Variants in SALL4 observed in about 807,000 individuals in gnomAD.
SALL4 encodes spalt like transcription factor 4.
Under a neutral mutation model 60.8 loss-of-function variants are expected in SALL4, and 4 were observed. That is an observed-to-expected ratio of 0.07 (90% CI 0.03 to 0.15). SALL4 has a LOEUF of 0.15. Ranked by LOEUF, SALL4 falls within the 10% of genes least tolerant of loss-of-function variation. The probability of loss-of-function intolerance (pLI) is 1.00; values close to 1 mark genes in which losing one functional copy is unlikely to be tolerated. For synonymous variants in SALL4, 580 were observed against 574.9 expected, an observed-to-expected ratio of 1.01 and a Z score of -0.13; for missense variants, 1,178 against 1,394.7, an observed-to-expected ratio of 0.84 and a Z score of 2.48.
rs754828158 is a variant in SALL4, at chr20:51,802,288, C to CCGCCGCGGG, written c.112_120dup (p.Pro38_Ala40dup). Reference sequence around the variant, plus strand: ...CCCCAGCCCCACTCACCCAGCTCCCCCGCCGCGGGCGCCGCTGGGGCCGCA... The same window carrying CCGCCGCGGG: ...CCCCAGCCCCACTCACCCAGCTCCCCCGCCGCGGGCGCCGCGGGCGCCGCTGGGGCCGCA... On this transcript the variant is annotated inframe_insertion, in exon 1 of 4. Coordinates refer to ENST00000217086, the MANE Select transcript of SALL4 (RefSeq NM_020436.5). 2.5e-6 allele frequency: 4 copies of CCGCCGCGGG among 1,604,566 alleles called. No individual in the cohort carries two copies. The highest frequency in any genetic ancestry group is 1.3e-5 in the African/African-American group (1 of 74,726).
At chr20:51,792,390 G>A (rs200163967) in intron 1 of SALL4, 38 bp from the exon 2 acceptor site, 1 of 1,598,590 alleles carries the variant, frequency 6.3e-7, no homozygotes, top group East Asian at 2.2e-5. Context: ...CTCTGCCCAA[G>A]TAAAAGATGT....
At position 51,791,502 on chromosome 20, in the gene SALL4, C is replaced by T; in HGVS notation, c.981G>A (p.Met327Ile). 2 of 1,614,088 alleles carry T rather than the reference C, an allele frequency of 1.2e-6. No homozygotes were observed. The highest frequency in any genetic ancestry group is 1.7e-5 in the Admixed American group (1 of 60,030). The change falls in exon 2 of 4, where the codon ATG becomes ATA. Residue 327 changes from methionine to isoleucine, a missense_variant. Met to Ile is a conservative substitution (Grantham distance 10). Coordinates refer to ENST00000217086, the MANE Select transcript of SALL4 (RefSeq NM_020436.5). The surrounding 1 kb of genome is among the most constrained non-coding windows in gnomAD (Gnocchi z 4.6). ...GAAGCAAAGCGCTCGGGAGGCGGGA[C>T]ATGACGTTCGGGAGCACCCGGGTCC... ...PDGTRVLPNV[M>I]SRLPSALLPQ...
At chr20:51,794,522 G>C (rs1167593854) in intron 1 of SALL4, among the ~76,000 whole-genome samples, 1 of 152,016 alleles carries the variant, frequency 6.6e-6, no homozygotes. Context: ...TTGTACTCCA[G>C]CCTGGGCAAC....
At position 51,790,383 on chromosome 20, in the gene SALL4, C is replaced by T. The variant is rs2078027597; in HGVS notation, c.2100G>A (p.Glu700=). 6.2e-7 allele frequency: 1 copy of T among 1,614,076 alleles called. No homozygotes were observed. Among genetic ancestry groups the T allele is most frequent in the South Asian group, 1.1e-5 (1 of 91,082 alleles). Residue 700 remains glutamate, a synonymous_variant, in exon 2 of 4, where the codon GAG becomes GAA. Coordinates refer to ENST00000217086, the MANE Select transcript of SALL4 (RefSeq NM_020436.5). The surrounding 1 kb of genome is among the most constrained non-coding windows in gnomAD (Gnocchi z 5.5). ...SIDVEEVSSQ[E]APSSSSKVPT... ...GGACCTTGGAGGAGCTGCTGGGAGCCTCCTGGGAGCTGACTTCCTCTACAT... is the reference window on the plus strand; with the variant it reads ...GGACCTTGGAGGAGCTGCTGGGAGCTTCCTGGGAGCTGACTTCCTCTACAT...
chr20:51,789,971 T>C (rs765349363), intron 2 of SALL4, 51 bp downstream of exon 2: 2 of 1,611,860 alleles, frequency 1.2e-6, no homozygotes. Context: ...GGCTCCTTTT[T>C]GATGACCTTG....
intron 1 of SALL4, chr20:51,797,619 G>A (rs1417415043): frequency 1.3e-5 from 2 of 152,044 alleles, no homozygotes; most frequent in Non-Finnish European, 2.9e-5. Context: ...AACAATTGCT[G>A]GGCATGCTTA....
intron 3 of SALL4, among the ~76,000 whole-genome samples, chr20:51,786,572 A>G (rs1024411075): frequency 2.0e-5 from 3 of 152,242 alleles, no homozygotes; most frequent in African/African-American, 7.2e-5. Context: ...TACGCAGGTA[A>G]TAAAACTGTA....
intron 3 of SALL4, among the ~76,000 whole-genome samples, chr20:51,785,194 G>A (rs532972734): frequency 4.0e-4 from 61 of 152,216 alleles, no homozygotes; most frequent in African/African-American, 1.4e-3. Flanking sequence ...CCAGCTGCTC[G>A]CGAGGCTGAG....
rs1409555631 is a variant in SALL4, at chr20:51,790,852, G to C, written c.1631C>G (p.Pro544Arg). The C allele has an allele frequency of 5.6e-6, 9 of 1,613,990 alleles. No homozygotes were observed. Among genetic ancestry groups the C allele is most frequent in the Non-Finnish European group, 7.6e-6 (9 of 1,180,022 alleles). The stretch of plus-strand genomic sequence containing the variant: ...CTGCAATTTCAGGGTCTCTGACCCT[G>C]GCTCAGGGGTCCCACTCCCTTGGAA... Reference protein sequence around the residue: ...GGFQGSGTPEPGSETLKLQQL... With the variant: ...GGFQGSGTPERGSETLKLQQL... Residue 544 changes from proline (P) to arginine (R), a missense_variant, in exon 2 of 4, where the codon CCA (proline) becomes CGA (arginine). Transcript: ENST00000217086. The surrounding 1 kb of genome is among the most constrained non-coding windows in gnomAD (Gnocchi z 5.5).
chr20:51,784,597 T>C lies in SALL4; in HGVS notation c.2830A>G (p.Thr944Ala), dbSNP rs564059052. 3 of 1,614,154 alleles carry C rather than the reference T, an allele frequency of 1.9e-6. No individual in the cohort carries two copies. In the African/African-American group the frequency reaches 4.0e-5, roughly 22 times the overall value. Reference protein sequence around the residue: ...AIENTMALLGTDGKRVSEIFP... With the variant: ...AIENTMALLGADGKRVSEIFP... The stretch of plus-strand genomic sequence containing the variant: ...ATTTCTGAGACTCTTTTTCCGTCCG[T>C]ACCTAACAGAGCCATGGTGTTCTCG... Residue 944 changes from threonine (T) to alanine (A), a missense_variant, in exon 4 of 4, where the codon ACG (threonine) becomes GCG (alanine). Thr to Ala is a moderately conservative substitution (Grantham distance 58). Around this residue, in one of 5 missense-constraint regions of SALL4, gnomAD observed 174 missense variants for 169.6 expected, o/e 1.03. Transcript: ENST00000217086.
rs1354033865 is a variant in SALL4 at position 51,788,245 on chromosome 20, T to C, written c.2742+616A>G. On this transcript the variant is annotated intron_variant, in intron 3 of 3. Coordinates refer to ENST00000217086, the MANE Select transcript of SALL4 (RefSeq NM_020436.5). The surrounding 1 kb of genome is among the most constrained non-coding windows in gnomAD (Gnocchi z 4.1). ...ATCACAGATCACTGCAGCCTTGATC[T>C]CTCAGGCTCAAGTGGTCCTCCCACT... is the stretch of plus-strand genomic sequence containing the variant. Among the ~76,000 whole-genome samples the C allele has an allele frequency of 1.3e-5, 2 of 152,214 alleles. No individual in the cohort carries two copies. Among genetic ancestry groups the C allele is most frequent in the African/African-American group, 4.8e-5 (2 of 41,532 alleles).
Position 51,802,509 on chromosome 20 carries a change from T to A in SALL4, c.-101A>T, listed in dbSNP as rs776937537. On this transcript the variant is annotated 5_prime_UTR_variant, in exon 1 of 4. The change abolishes an upstream ATG in the 5' untranslated region. Transcript: ENST00000217086. ...TACCCCCCTTCGGCCGGAACGCGCA[T>A]GTCCCAGTAATTATTATTATCAATA... The A allele has an allele frequency of 4.5e-6, 7 of 1,547,114 alleles. No homozygotes were observed. Among genetic ancestry groups the A allele is most frequent in the Non-Finnish European group, 6.2e-6 (7 of 1,136,228 alleles).
chr20:51,785,736 C>T (rs531052350), intron 3 of SALL4, among the ~76,000 whole-genome samples: 15 of 151,818 alleles, frequency 9.9e-5, no homozygotes, highest in African/African-American at 2.2e-4. Context: ...CTCCGCCTCC[C>T]GGGTTCAAGC....
rs2078026739 is a variant in SALL4, at chr20:51,790,324, G to C, written c.2159C>G (p.Pro720Arg). Residue 720 changes from proline to arginine, a missense_variant, in exon 2 of 4, where the codon CCC (proline) becomes CGC (arginine). By Grantham distance (103) the Pro-to-Arg change is moderately radical (BLOSUM62 -2). Around this residue, in one of 5 missense-constraint regions of SALL4, gnomAD observed 853 missense variants for 1,036.8 expected, o/e 0.82. Transcript: ENST00000217086. The surrounding 1 kb of genome is among the most constrained non-coding windows in gnomAD (Gnocchi z 5.5). ...TPLPSIHSAS[P>R]TLGFAMMASL... is the part of the protein sequence containing the mutation. The stretch of plus-strand genomic sequence containing the variant: ...AGCCATCATGGCAAACCCTAGCGTG[G>C]GTGATGCCGAGTGGATGCTGGGAAG... 6.2e-7 allele frequency: 1 copy of C among 1,614,044 alleles called. No homozygotes were observed. The highest frequency in any genetic ancestry group is 8.5e-7 in the Non-Finnish European group (1 of 1,180,052).
intron 1 of SALL4, among the ~76,000 whole-genome samples, chr20:51,793,811 T>C (rs900504215): frequency 6.6e-6 from 1 of 152,222 alleles, no homozygotes; most frequent in Non-Finnish European, 1.5e-5. Context: ...AACAAACTGA[T>C]TTAATCTTTA....
intron 1 of SALL4, chr20:51,792,705 A>G (rs1033525624): frequency 2.3e-6 from 2 of 882,032 alleles, no homozygotes; most frequent in Non-Finnish European, 2.9e-6. Flanking sequence ...AAAAAAAAAA[A>G]AAAAGGCAAA....
Position 51,789,253 on chromosome 20 carries a change from G to C in SALL4, c.2462-112C>G, listed in dbSNP as rs116332622. The C allele has an allele frequency of 7.4e-4, 930 of 1,261,014 alleles. 5 individuals are homozygous for C. In the African/African-American group the frequency reaches 0.012, roughly 16 times the overall value. The allele number at this position is 1,261,014 out of a possible 1,614,324, so 78.1% of individuals were successfully genotyped here. ...CTGCCTGCTAGTTTGAGAGTCTGGA[G>C]CTGGCTTTGTAAGTAATTAACACCT... is the stretch of plus-strand genomic sequence containing the variant. On this transcript the variant is annotated intron_variant, in intron 2 of 3. Transcript: ENST00000217086.
At chr20:51,798,001 CACA>C (rs946098429) in intron 1 of SALL4, among the ~76,000 whole-genome samples, 12 of 152,054 alleles carry the variant, frequency 7.9e-5, no homozygotes, top group African/African-American at 2.4e-4. Flanking sequence ...ATCTAAAGCA[CACA>C]ACATCTTCTA....
chr20:51,797,107 G>GT (rs2078083745), intron 1 of SALL4, among the ~76,000 whole-genome samples: 1 of 151,788 alleles, frequency 6.6e-6, no homozygotes, highest in Admixed American at 6.6e-5. Flanking sequence ...TACCACAGTG[G>GT]TATTAATAGA....
Sources: gnomAD v4.1 joint callset for allele counts (sites outside exome capture counted in the v4.1 genomes callset) on GRCh38, gnomAD v4.1.1 for gene constraint, gnomAD v4.1.1 regional missense constraint, Gnocchi (gnomAD v3.1) non-coding constraint, MANE v1.5 for transcripts, NCBI Gene and HGNC (gene_info 2026-07-23, HGNC 2026-07-21) for gene names.